DNAH8: variants seen among roughly 807,000 people sequenced by gnomAD.
DNAH8 encodes dynein axonemal heavy chain 8.
A neutral mutation model predicts 562.1 loss-of-function variants in DNAH8; 382 were observed. The observed-to-expected ratio is 0.68, with a 90% CI of 0.63 to 0.74. The LOEUF (loss-of-function observed/expected upper bound fraction) is 0.74. DNAH8 is among the 30% of genes least tolerant of loss of function. The pLI is 0.00. For synonymous variants in DNAH8, 1,881 were observed against 1,919.4 expected (o/e 0.98, Z 0.52); for missense variants, 5,203 against 5,620.4 (o/e 0.93, Z 2.37).
intron 66 of DNAH8, among the ~76,000 whole-genome samples, chr6:38,912,817 T>A (rs528302668): frequency 6.6e-6 from 1 of 152,108 alleles, no homozygotes; most frequent in Non-Finnish European, 1.5e-5. Flanking sequence ...TTTTTTTTTT[T>A]CTTTTTCTTT....
chr6:38,914,007 CATTGTTTTAAA>C, intron 67 of DNAH8, 55 bp downstream of exon 67: 1 of 1,348,030 alleles, frequency 7.4e-7, no homozygotes, highest in Non-Finnish European at 1.1e-6. Flanking sequence ...TATTAAAATG[CATTGTTTTAAA>C]ATGGTACTAA....
chr6:38,887,011 A>C lies in DNAH8; in HGVS notation c.8473+7A>C, dbSNP rs369355976. On this transcript the variant is annotated splice_region_variant and intron_variant, in intron 57 of 92. Transcript: ENST00000327475. ...TCAATAGACAAAATTTTTGGTATGA[A>C]TATTCTTAGCGTTTATTTTATTGCA... 1 of 1,571,070 alleles carries C rather than the reference A, an allele frequency of 6.4e-7. No homozygotes were observed. The highest frequency in any genetic ancestry group is 8.8e-7 in the Non-Finnish European group (1 of 1,141,330).
chr6:38,957,545 A>T (rs1297879437), intron 82 of DNAH8, among the ~76,000 whole-genome samples: 2 of 151,512 alleles, frequency 1.3e-5, no homozygotes, highest in Admixed American at 6.6e-5. Context: ...TAAACAGCAC[A>T]TGGAACATTC....
chr6:38,908,675 C>G (rs764124196), intron 64 of DNAH8, among the ~76,000 whole-genome samples: 4 of 152,198 alleles, frequency 2.6e-5, no homozygotes, highest in Non-Finnish European at 4.4e-5. Context: ...ACCTTAGACT[C>G]CCAAGTAGCT....
chr6:38,938,300 C>T, intron 78 of DNAH8, 74 bp downstream of exon 78: 1 of 1,508,300 alleles, frequency 6.6e-7, no homozygotes, highest in South Asian at 1.3e-5. Context: ...TTAGAAATTG[C>T]TTTTTCACTA....
chr6:38,790,676 A>T (rs1436802672), intron 20 of DNAH8, among the ~76,000 whole-genome samples: 2 of 151,962 alleles, frequency 1.3e-5, no homozygotes, highest in Non-Finnish European at 2.9e-5. Context: ...TACAAAAATT[A>T]GCTGGACATG....
At chr6:38,984,743 A>G (rs1764267941) in intron 87 of DNAH8, among the ~76,000 whole-genome samples, 1 of 152,156 alleles carries the variant, frequency 6.6e-6, no homozygotes, top group Admixed American at 6.5e-5. Flanking sequence ...GTGAACCGGG[A>G]TCGCACCACT....
chr6:38,878,860 A>T (rs547884075), intron 53 of DNAH8, among the ~76,000 whole-genome samples: 8 of 152,340 alleles, frequency 5.3e-5, no homozygotes, highest in African/African-American at 1.9e-4. Flanking sequence ...AATATTTTCA[A>T]CACAAAAAAA....
At position 38,863,887 on chromosome 6, in the gene DNAH8, G is replaced by T. The variant is rs748575207; in HGVS notation, c.6325G>T (p.Gly2109Cys). ...GRIFKGLAQSGSWGCFDEFNR... is the reference protein window; with the variant it reads ...GRIFKGLAQSCSWGCFDEFNR... ...TTTCATGCCAGGTCTTGCACAGTCG[G>T]GTTCCTGGGGCTGTTTTGATGAGTT... is the stretch of plus-strand genomic sequence containing the variant. Residue 2109 changes from glycine to cysteine, a missense_variant, in exon 45 of 93, where the codon GGT (glycine) becomes TGT (cysteine). Transcript: ENST00000327475. 26 of 1,596,386 alleles carry T rather than the reference G, an allele frequency of 1.6e-5. No individual in the cohort carries two copies. In the East Asian group the frequency reaches 3.6e-4, roughly 22 times the overall value.
chr6:38,981,712 C>G (rs1764050292), intron 85 of DNAH8, among the ~76,000 whole-genome samples: 1 of 152,192 alleles, frequency 6.6e-6, no homozygotes, highest in Non-Finnish European at 1.5e-5. Flanking sequence ...AATAACAGTT[C>G]ATTCAACAGG....
intron 34 of DNAH8, 35 bp from the exon 35 acceptor site, chr6:38,842,628 A>T: frequency 6.2e-7 from 1 of 1,601,560 alleles, no homozygotes; most frequent in South Asian, 1.1e-5. Flanking sequence ...ATAAATGTGA[A>T]GGTGGCATAT....
intron 89 of DNAH8, among the ~76,000 whole-genome samples, chr6:39,009,758 T>TA (rs1228915503): frequency 6.6e-6 from 1 of 152,154 alleles, no homozygotes; most frequent in Non-Finnish European, 1.5e-5. Context: ...GTCCCAACAA[T>TA]AAAAAATGTT....
chr6:38,847,527 C>G (rs907845682), intron 36 of DNAH8, among the ~76,000 whole-genome samples: 4 of 152,048 alleles, frequency 2.6e-5, no homozygotes, highest in Admixed American at 6.6e-5. Context: ...GGATTACCTA[C>G]CTCCTTAGAG....
intron 3 of DNAH8, among the ~76,000 whole-genome samples, chr6:38,725,190 C>T (rs1269999273): frequency 6.6e-6 from 1 of 151,654 alleles, no homozygotes; most frequent in Non-Finnish European, 1.5e-5. Flanking sequence ...GTAGTCCCAG[C>T]TACTCAGGAG....
chr6:38,981,774 T>A (rs1005920122), intron 85 of DNAH8, among the ~76,000 whole-genome samples: 1 of 152,192 alleles, frequency 6.6e-6, no homozygotes, highest in Non-Finnish European at 1.5e-5. Flanking sequence ...AGACCTAGAC[T>A]TTTTTTAAAA....
At chr6:38,789,723 AACCT>A (rs1271921473) in intron 18 of DNAH8, 76 bp from the exon 19 acceptor site, 1 of 1,074,998 alleles carries the variant, frequency 9.3e-7, no homozygotes, top group East Asian at 2.4e-5. Flanking sequence ...GGGATTATGA[AACCT>A]TCCTGGAATG....
chr6:39,003,017 A>G (rs1583548598), intron 88 of DNAH8, among the ~76,000 whole-genome samples: 1 of 152,200 alleles, frequency 6.6e-6, no homozygotes, highest in African/African-American at 2.4e-5. Flanking sequence ...AAGACAGAGC[A>G]TCTCCTCCAT....
intron 82 of DNAH8, chr6:38,953,240 G>A (rs16891336): frequency 2.6e-5 from 4 of 152,146 alleles, no homozygotes; most frequent in Non-Finnish European, 4.4e-5. Flanking sequence ...ATGAACTGTC[G>A]CTCTGGAGAT....
At chr6:38,752,865 G>C (rs553515987) in intron 9 of DNAH8, among the ~76,000 whole-genome samples, 1 of 152,270 alleles carries the variant, frequency 6.6e-6, no homozygotes, top group East Asian at 1.9e-4. Flanking sequence ...TTTTAATTGA[G>C]TCCATAAAGA....
Sources: allele counts gnomAD v4.1 joint callset (sites outside exome capture counted in the v4.1 genomes callset), GRCh38; gene constraint gnomAD v4.1.1; transcripts MANE v1.5; gene names NCBI Gene and HGNC (gene_info 2026-07-23, HGNC 2026-07-21).